The following SMURF1 variants were observed in gnomAD, a reference collection of about 807,000 sequenced individuals.
SMURF1 encodes the protein SMAD specific E3 ubiquitin protein ligase 1, also known as E3 ubiquitin-protein ligase SMURF1.
A neutral mutation model predicts 98.0 loss-of-function variants in SMURF1; 44 were observed. That is an observed-to-expected ratio of 0.45 (90% CI 0.35 to 0.58). The LOEUF is 0.58. Ranked by LOEUF, SMURF1 falls within the 20% of genes least tolerant of loss-of-function variation. The pLI, the probability that SMURF1 is intolerant of heterozygous loss-of-function variation, is 0.00. For synonymous variants in SMURF1, 396 were observed against 374.9 expected (o/e 1.06, Z -0.65); for missense variants, 687 against 938.4 (o/e 0.73, Z 3.50).
At chr7:99,109,375 G>A (rs1797271040) in intron 1 of SMURF1, among the ~76,000 whole-genome samples, 1 of 152,172 alleles carries the variant, frequency 6.6e-6, no homozygotes, top group Non-Finnish European at 1.5e-5. Flanking sequence ...CTGACCAGAT[G>A]GGAGCCCTCT....
At chr7:99,048,627 C>T (rs772571274) in intron 9 of SMURF1, 1 of 152,114 alleles carries the variant, frequency 6.6e-6, no homozygotes, top group Non-Finnish European at 1.5e-5. Context: ...AACAGCAGAC[C>T]GCTCGAGTGA....
At chr7:99,064,501 G>A (rs1796139484) in intron 1 of SMURF1, among the ~76,000 whole-genome samples, 2 of 152,100 alleles carry the variant, frequency 1.3e-5, no homozygotes, top group African/African-American at 4.8e-5. Context: ...AATCAGCCCT[G>A]GTAGTTTGTG....
chr7:99,063,418 G>T (rs111788074), intron 1 of SMURF1, among the ~76,000 whole-genome samples: 1 of 147,640 alleles, frequency 6.8e-6, no homozygotes, highest in East Asian at 2.0e-4. Flanking sequence ...TCAGCCTCTC[G>T]AGTTGCTGGG....
intron 1 of SMURF1, among the ~76,000 whole-genome samples, chr7:99,126,323 T>C (rs1797743572): frequency 6.6e-6 from 1 of 152,188 alleles, no homozygotes; most frequent in African/African-American, 2.4e-5. Flanking sequence ...ATTTCTTCTT[T>C]ATACTTTTCA....
At chr7:99,057,123 C>T (rs992283313) in intron 5 of SMURF1, 82 bp downstream of exon 5, 7 of 1,460,196 alleles carry the variant, frequency 4.8e-6, no homozygotes, top group Non-Finnish European at 6.7e-6. Context: ...ATCGTCAGTG[C>T]CTGTATGTGA....
At chr7:99,067,308 T>C (rs901672913) in intron 1 of SMURF1, among the ~76,000 whole-genome samples, 5 of 151,928 alleles carry the variant, frequency 3.3e-5, no homozygotes, top group Non-Finnish European at 7.4e-5. Context: ...AGATCTAGTA[T>C]TTTTTAAAAA....
intron 1 of SMURF1, among the ~76,000 whole-genome samples, chr7:99,133,024 G>A (rs540966790): frequency 6.6e-6 from 1 of 152,084 alleles, no homozygotes; most frequent in East Asian, 1.9e-4. Context: ...AGGAGGCTGG[G>A]GTGGTGGTGC....
intron 1 of SMURF1, among the ~76,000 whole-genome samples, chr7:99,118,290 A>G (rs1237327336): frequency 6.6e-6 from 1 of 152,186 alleles, no homozygotes; most frequent in Admixed American, 6.5e-5. Flanking sequence ...CAGCATTTCC[A>G]TTCTTAGGTA....
chr7:99,031,420 C>G (rs1222552857), intron 17 of SMURF1: 1 of 152,122 alleles, frequency 6.6e-6, no homozygotes, highest in African/African-American at 2.4e-5. Context: ...CCAAAAAATA[C>G]AAAATTGTGA....
intron 1 of SMURF1, among the ~76,000 whole-genome samples, chr7:99,122,643 CAAAAAAAAA>C (rs200590592): frequency 3.3e-5 from 4 of 120,012 alleles, no homozygotes; most frequent in African/African-American, 3.9e-5. Flanking sequence ...GATTCCGTGT[CAAAAAAAAA>C]AAAAAAAAAA....
chr7:99,073,238 G>T (rs1395034113), intron 1 of SMURF1, among the ~76,000 whole-genome samples: 1 of 151,144 alleles, frequency 6.6e-6, no homozygotes, highest in Admixed American at 6.6e-5. Context: ...AGTTAGCTGG[G>T]CCTGGTGTTG....
intron 9 of SMURF1, 138 bp downstream of exon 9, chr7:99,049,425 G>A (rs982778984): frequency 1.5e-5 from 13 of 893,320 alleles, no homozygotes; most frequent in Admixed American, 9.9e-5. Flanking sequence ...GCAATTATCC[G>A]CCAGATATTT....
chr7:99,044,270 C>A (rs1233319820), intron 11 of SMURF1, among the ~76,000 whole-genome samples: 1 of 152,112 alleles, frequency 6.6e-6, no homozygotes, highest in East Asian at 1.9e-4. Context: ...CGAGATCCAG[C>A]CAGTGGACTC....
At chr7:99,049,305 C>A in intron 9 of SMURF1, 1 of 418,632 alleles carries the variant, frequency 2.4e-6, no homozygotes, top group African/African-American at 2.0e-5. Context: ...TTCGTGCAGC[C>A]GCCTAATACT....
At chr7:99,091,157 A>T (rs1796801606) in intron 1 of SMURF1, among the ~76,000 whole-genome samples, 1 of 152,236 alleles carries the variant, frequency 6.6e-6, no homozygotes, top group South Asian at 2.1e-4. Flanking sequence ...GTGCATATAT[A>T]CATAAAATCA....
intron 1 of SMURF1, among the ~76,000 whole-genome samples, chr7:99,084,166 G>A (rs1183820669): frequency 6.6e-6 from 1 of 152,166 alleles, no homozygotes; most frequent in Non-Finnish European, 1.5e-5. Context: ...CCTCTCCAAT[G>A]TCTAGAGCCA....
chr7:99,046,753 A>AAC (rs1491020097), intron 10 of SMURF1, among the ~76,000 whole-genome samples: 11 of 149,924 alleles, frequency 7.3e-5, no homozygotes, highest in Non-Finnish European at 1.6e-4. Flanking sequence ...AAAAAAAAAA[A>AAC]ACCCAAACAA....
chr7:99,109,253 T>A (rs1797268201), intron 1 of SMURF1, among the ~76,000 whole-genome samples: 2 of 152,146 alleles, frequency 1.3e-5, no homozygotes. Context: ...TTGTCACTCT[T>A]AGTGCCAGCC....
intron 1 of SMURF1, among the ~76,000 whole-genome samples, chr7:99,130,303 A>C (rs1467446135): frequency 6.6e-6 from 1 of 152,146 alleles, no homozygotes; most frequent in Non-Finnish European, 1.5e-5. Context: ...AATACAAAAA[A>C]TTAGCCAGGC....
Sources: allele counts gnomAD v4.1 joint callset (sites outside exome capture counted in the v4.1 genomes callset), GRCh38; gene constraint gnomAD v4.1.1; transcripts MANE v1.5; gene names NCBI Gene and HGNC (gene_info 2026-07-23, HGNC 2026-07-21).